MROH9: variants seen among roughly 807,000 people sequenced by gnomAD.
The protein encoded by MROH9 is maestro heat like repeat family member 9.
Under a neutral mutation model 98.2 loss-of-function variants are expected in MROH9, and 92 were observed. The observed-to-expected ratio is 0.94, with a 90% CI of 0.79 to 1.11. The LOEUF (loss-of-function observed/expected upper bound fraction) is 1.11, where lower values mean the gene tolerates loss of function less well. Among genes scored for constraint, MROH9 ranks in the 50% most tolerant of loss-of-function variants. The pLI is 0.00. For missense variants in MROH9, 1,057 were observed against 1,014.8 expected (o/e 1.04, Z -0.57); for synonymous variants, 397 against 368.9 (o/e 1.08, Z -0.87).
intron 20 of MROH9, among the ~76,000 whole-genome samples, chr1:171,027,166 G>A (rs560742084): frequency 9.3e-5 from 14 of 150,692 alleles, no homozygotes; most frequent in African/African-American, 3.1e-4. Context: ...ATGGTGGTTC[G>A]CTGCCCCTAT....
At chr1:171,026,301 A>G (rs1204120299) in intron 20 of MROH9, among the ~76,000 whole-genome samples, 2 of 150,932 alleles carry the variant, frequency 1.3e-5, no homozygotes, top group East Asian at 1.9e-4. Context: ...TTAAGACAGA[A>G]TCTTGCTCTG....
rs72712625 is a variant in MROH9, at chr1:171,057,531, G to A, written c.2282-4601G>A. Among the ~76,000 whole-genome samples, 1,446 of 152,166 alleles carry A rather than the reference G, an allele frequency of 9.5e-3. 19 individuals are homozygous for A. The highest frequency in any genetic ancestry group is 0.041 in the South Asian group (197 of 4,808). ...GAGATGGGACGAAAGGAAACAAGCT[G>A]GAAAAAGCACTTCATGATATTATCC... On this transcript the variant is annotated intron_variant, in intron 20 of 21. Transcript: ENST00000367759.
intron 8 of MROH9, among the ~76,000 whole-genome samples, chr1:170,980,457 A>G (rs1263333139): frequency 1.3e-5 from 2 of 152,212 alleles, no homozygotes; most frequent in African/African-American, 4.8e-5. Context: ...GACATCGGAA[A>G]TAACACCACA....
chr1:171,046,158 C>T (rs968228403), intron 20 of MROH9, among the ~76,000 whole-genome samples: 5 of 152,018 alleles, frequency 3.3e-5, no homozygotes, highest in Admixed American at 2.6e-4. Flanking sequence ...TCTTTTTCCA[C>T]CAGTTTATTT....
chr1:170,993,187 A>G (rs1651422961), intron 12 of MROH9, among the ~76,000 whole-genome samples: 1 of 152,194 alleles, frequency 6.6e-6, no homozygotes. Context: ...AATTAGGTGC[A>G]ATCAAGGCTT....
intron 15 of MROH9, among the ~76,000 whole-genome samples, chr1:171,011,291 G>A (rs1266947006): frequency 1.3e-5 from 2 of 152,146 alleles, no homozygotes; most frequent in Non-Finnish European, 2.9e-5. Flanking sequence ...GTGAAAAGTT[G>A]TTAGAGAATG....
chr1:170,987,188 T>C (rs546031930), intron 10 of MROH9, among the ~76,000 whole-genome samples: 2 of 152,318 alleles, frequency 1.3e-5, no homozygotes, highest in South Asian at 2.1e-4. Context: ...ATTTCAAGCA[T>C]ACGAACAATT....
intron 14 of MROH9, among the ~76,000 whole-genome samples, chr1:170,997,094 G>A (rs1464728521): frequency 1.3e-5 from 2 of 152,094 alleles, no homozygotes; most frequent in African/African-American, 2.4e-5. Flanking sequence ...TGGAAAGGGG[G>A]TTTTCTAGTT....
At chr1:170,991,477 G>T (rs1016250117) in intron 11 of MROH9, among the ~76,000 whole-genome samples, 1 of 152,124 alleles carries the variant, frequency 6.6e-6, no homozygotes, top group African/African-American at 2.4e-5. Context: ...AGCAATAAGT[G>T]TCAGAACCCA....
chr1:171,054,192 A>G (rs1355139317), intron 20 of MROH9, among the ~76,000 whole-genome samples: 1 of 152,222 alleles, frequency 6.6e-6, no homozygotes, highest in Non-Finnish European at 1.5e-5. Context: ...TAATTTTTAG[A>G]CCAATGAAGC....
At chr1:171,003,937 G>A (rs1258597637) in intron 15 of MROH9, among the ~76,000 whole-genome samples, 1 of 152,078 alleles carries the variant, frequency 6.6e-6, no homozygotes, top group Admixed American at 6.6e-5. Flanking sequence ...AGGGGATGGG[G>A]GTGAGAGTCC....
intron 12 of MROH9, 57 bp from the exon 13 acceptor site, chr1:170,995,332 T>C: frequency 6.3e-7 from 1 of 1,599,004 alleles, no homozygotes; most frequent in Non-Finnish European, 8.5e-7. Context: ...TCAGTAAGGT[T>C]GACCGGGTTT....
intron 10 of MROH9, among the ~76,000 whole-genome samples, chr1:170,989,142 CTG>C (rs1296769008): frequency 6.6e-6 from 1 of 152,032 alleles, no homozygotes; most frequent in Admixed American, 6.6e-5. Context: ...CTTATAATCT[CTG>C]TTAGTCTAAA....
chr1:170,965,337 C>G (rs551385475), intron 7 of MROH9, 82 bp downstream of exon 7: 199 of 892,016 alleles, frequency 2.2e-4, no homozygotes, highest in Non-Finnish European at 3.3e-4. Flanking sequence ...TGGGTCCTAA[C>G]AGTACTTGAC....
intron 20 of MROH9, among the ~76,000 whole-genome samples, chr1:171,049,543 G>T (rs992502707): frequency 1.3e-5 from 2 of 152,110 alleles, no homozygotes; most frequent in Non-Finnish European, 2.9e-5. Context: ...TCTGGGTAAT[G>T]ATCAGTGGAG....
At chr1:171,057,910 C>A (rs2101874805) in intron 20 of MROH9, among the ~76,000 whole-genome samples, 1 of 152,122 alleles carries the variant, frequency 6.6e-6, no homozygotes, top group South Asian at 2.1e-4. Flanking sequence ...TCCACACAAG[C>A]AAATGCTGAG....
intron 3 of MROH9, among the ~76,000 whole-genome samples, chr1:170,952,427 A>T (rs1379133684): frequency 2.0e-5 from 3 of 152,118 alleles, no homozygotes; most frequent in Non-Finnish European, 4.4e-5. Flanking sequence ...GCCATAAAAA[A>T]TGATGAGTTC....
At chr1:170,988,671 G>A (rs965397496) in intron 10 of MROH9, among the ~76,000 whole-genome samples, 2 of 152,176 alleles carry the variant, frequency 1.3e-5, no homozygotes, top group Non-Finnish European at 2.9e-5. Context: ...GATGGGGTTA[G>A]GTTCTAAAAT....
At chr1:170,990,155 T>C (rs1371605071) in intron 11 of MROH9, 152 bp downstream of exon 11, 2 of 755,128 alleles carry the variant, frequency 2.6e-6, no homozygotes, top group Admixed American at 3.1e-5. Flanking sequence ...TGTGGGATAC[T>C]TGTAAGACTC....
Sources: allele counts gnomAD v4.1 joint callset (sites outside exome capture counted in the v4.1 genomes callset), GRCh38; gene constraint gnomAD v4.1.1; transcripts MANE v1.5; gene names NCBI Gene and HGNC (gene_info 2026-07-23, HGNC 2026-07-21).